Variants in GRK5 observed in about 807,000 individuals in gnomAD.
GRK5 encodes the protein G protein-coupled receptor kinase 5, also known as g protein-coupled receptor kinase GRK5.
In GRK5, 40 loss-of-function variants were observed where a neutral mutation model predicts 78.4. The ratio of observed to expected loss-of-function variants is 0.51; its 90% confidence interval spans 0.40 to 0.66. The LOEUF is 0.66. GRK5 is among the 30% of genes least tolerant of loss of function. The probability of loss-of-function intolerance (pLI) is 0.00; values close to 1 mark genes in which losing one functional copy is unlikely to be tolerated. For missense variants in GRK5, 598 were observed against 759.9 expected (o/e 0.79, Z 2.50); for synonymous variants, 289 against 296.8 (o/e 0.97, Z 0.27).
chr10:119,249,259 G>A (rs1456386656), intron 1 of GRK5, among the ~76,000 whole-genome samples: 3 of 150,348 alleles, frequency 2.0e-5, no homozygotes, highest in Admixed American at 6.9e-5. Flanking sequence ...CAACAAGAGC[G>A]AAACTTCGTC....
At chr10:119,337,076 TTTTCAAAGAC>T (rs961851520) in intron 2 of GRK5, among the ~76,000 whole-genome samples, 41 of 152,108 alleles carry the variant, frequency 2.7e-4, no homozygotes, top group African/African-American at 8.7e-4. Context: ...GGAGTTGTGG[TTTTCAAAGAC>T]TGCTCTGCAG....
chr10:119,394,251 TGGATGTATCTG>T (rs1851960486), intron 3 of GRK5, among the ~76,000 whole-genome samples: 1 of 73,374 alleles, frequency 1.4e-5, no homozygotes, highest in African/African-American at 5.3e-5. Flanking sequence ...TGTCTGTGTG[TGGATGTATCTG>T]TGTGTGTGTG....
intron 1 of GRK5, among the ~76,000 whole-genome samples, chr10:119,228,312 T>C (rs1848771784): frequency 6.6e-6 from 1 of 151,882 alleles, no homozygotes; most frequent in Admixed American, 6.6e-5. Flanking sequence ...GCCAGTATGC[T>C]CCAGCCTGGG....
chr10:119,228,994 G>A (rs1297635894), intron 1 of GRK5, among the ~76,000 whole-genome samples: 1 of 152,114 alleles, frequency 6.6e-6, no homozygotes, highest in Non-Finnish European at 1.5e-5. Flanking sequence ...TGCTTTGATG[G>A]ACTGTAAATA....
chr10:119,387,140 G>C (rs933506002), intron 3 of GRK5, among the ~76,000 whole-genome samples: 2 of 152,108 alleles, frequency 1.3e-5, no homozygotes, highest in South Asian at 2.1e-4. Flanking sequence ...GAGTAGCAGG[G>C]ATTACAGGTG....
At chr10:119,212,753 C>T (rs1355557588) in intron 1 of GRK5, 1 of 152,192 alleles carries the variant, frequency 6.6e-6, no homozygotes, top group Non-Finnish European at 1.5e-5. Context: ...CTTGAGAAAA[C>T]AGAAAGTGAC....
At chr10:119,366,908 C>T (rs1851459308) in intron 2 of GRK5, among the ~76,000 whole-genome samples, 1 of 152,206 alleles carries the variant, frequency 6.6e-6, no homozygotes, top group African/African-American at 2.4e-5. Context: ...CCAGCTCTGC[C>T]TCTTGCTAGC....
intron 1 of GRK5, among the ~76,000 whole-genome samples, chr10:119,300,424 C>T (rs1321985747): frequency 1.3e-5 from 2 of 152,144 alleles, no homozygotes; most frequent in Non-Finnish European, 2.9e-5. Flanking sequence ...GGCAAAAGAG[C>T]AGGTGTGAGA....
intron 3 of GRK5, among the ~76,000 whole-genome samples, chr10:119,394,640 GGTGTGTGTGTGGGT>G: frequency 4.1e-4 from 1 of 2,410 alleles, no homozygotes; most frequent in African/African-American, 1.5e-3. Context: ...TGTGTGTGTG[GGTGTGTGTGTGGGT>G]GTGTGTATCT....
chr10:119,447,643 C>T (rs967121657), intron 12 of GRK5, among the ~76,000 whole-genome samples: 1 of 152,170 alleles, frequency 6.6e-6, no homozygotes, highest in Non-Finnish European at 1.5e-5. Flanking sequence ...CTTGATGCGT[C>T]CTCTGAGCAT....
At chr10:119,408,031 T>G (rs1852270731) in intron 4 of GRK5, among the ~76,000 whole-genome samples, 1 of 151,708 alleles carries the variant, frequency 6.6e-6, no homozygotes, top group Non-Finnish European at 1.5e-5. Flanking sequence ...GGCGTGGTGG[T>G]GGATGCCTGT....
chr10:119,365,532 G>A (rs1363075909), intron 2 of GRK5, among the ~76,000 whole-genome samples: 1 of 152,188 alleles, frequency 6.6e-6, no homozygotes, highest in Non-Finnish European at 1.5e-5. Flanking sequence ...TGCCAGGCTT[G>A]GGTGGGACCC....
At chr10:119,454,109 A>T (rs1452244735) in intron 15 of GRK5, among the ~76,000 whole-genome samples, 2 of 152,192 alleles carry the variant, frequency 1.3e-5, no homozygotes, top group African/African-American at 4.8e-5. Flanking sequence ...TCCAGGATGG[A>T]CACACTCAGC....
Position 119,456,113 on chromosome 10 carries a change from G to GT in GRK5, c.*1047dup, listed in dbSNP as rs1454900058. 1.3e-5 allele frequency: 2 copies of GT among 152,378 alleles called. No individual in the cohort carries two copies. Among genetic ancestry groups the GT allele is most frequent in the African/African-American group, 4.8e-5 (2 of 41,446 alleles). The allele number at this position is 152,378 out of a possible 1,614,324, so 9.4% of individuals were successfully genotyped here. A position where few individuals can be genotyped will look rare whatever the true frequency, so the allele number is the denominator to read the frequency against. ...GCGCTCATCCTGACGGAGCAGCGTC[G>GT]TGTCTGTAGCGGGGAGGGAGGCTGG... is the stretch of plus-strand genomic sequence containing the variant. On this transcript the variant is annotated 3_prime_UTR_variant, in exon 16 of 16. Transcript: ENST00000392870. The surrounding 1 kb of genome is among the most constrained non-coding windows in gnomAD (Gnocchi z 5.5).
chr10:119,452,983 C>T lies in GRK5; in HGVS notation c.1543-162C>T, dbSNP rs1301119549. 3.3e-5 allele frequency among the ~76,000 whole-genome samples: 5 copies of T among 152,176 alleles called. No individual in the cohort carries two copies. Among genetic ancestry groups the T allele is most frequent in the East Asian group, 1.9e-4 (1 of 5,196 alleles). On this transcript the variant is annotated intron_variant, in intron 14 of 15. Transcript: ENST00000392870. This position sits in a 1 kb window ranked among gnomAD's most constrained non-coding sequence, Gnocchi z 4.4. ...GCCAAGTAGGGAGCTGTAGCCACCA[C>T]GGGCCAGTCATTGACGGGGAGCCTC...
At chr10:119,357,412 G>A (rs963908792) in intron 2 of GRK5, among the ~76,000 whole-genome samples, 5 of 152,298 alleles carry the variant, frequency 3.3e-5, no homozygotes, top group African/African-American at 7.2e-5. Flanking sequence ...TCATGGGAGC[G>A]GGGGTCAGGG....
intron 1 of GRK5, among the ~76,000 whole-genome samples, chr10:119,311,498 G>A (rs1048846208): frequency 1.3e-5 from 2 of 152,156 alleles, no homozygotes; most frequent in African/African-American, 4.8e-5. Flanking sequence ...TAAAAAGGGC[G>A]AGTAGAGGCC....
intron 1 of GRK5, among the ~76,000 whole-genome samples, chr10:119,294,120 G>A (rs2133710261): frequency 6.6e-6 from 1 of 152,316 alleles, no homozygotes; most frequent in Admixed American, 6.5e-5. Context: ...CCCTCCTGCA[G>A]GGAGGAAAGC....
chr10:119,429,207 A>G (rs1038418295), intron 6 of GRK5, among the ~76,000 whole-genome samples: 10 of 152,106 alleles, frequency 6.6e-5, no homozygotes, highest in Non-Finnish European at 1.2e-4. Context: ...CAAATTCAAG[A>G]TGGGGTGCCA....
Sources: allele counts gnomAD v4.1 joint callset (sites outside exome capture counted in the v4.1 genomes callset), GRCh38; gene constraint gnomAD v4.1.1; non-coding constraint Gnocchi (gnomAD v3.1); transcripts MANE v1.5; gene names NCBI Gene and HGNC (gene_info 2026-07-23, HGNC 2026-07-21).